The following SASH1 variants were observed in gnomAD, a reference collection of about 807,000 sequenced individuals.
SASH1 encodes the protein SAM and SH3 domain-containing protein 1.
In SASH1, 44 loss-of-function variants were observed where a neutral mutation model predicts 125.2. The ratio of observed to expected loss-of-function variants is 0.35; its 90% confidence interval spans 0.28 to 0.45. The LOEUF (loss-of-function observed/expected upper bound fraction) is 0.45. Ranked by LOEUF, SASH1 falls within the 20% of genes least tolerant of loss-of-function variation. The probability of loss-of-function intolerance (pLI) is 1.00; values close to 1 mark genes in which losing one functional copy is unlikely to be tolerated. For synonymous variants in SASH1, 639 were observed against 649.1 expected, an observed-to-expected ratio of 0.98 and a Z score of 0.24; for missense variants, 1,426 against 1,614.5, an observed-to-expected ratio of 0.88 and a Z score of 2.00.
intron 1 of SASH1, among the ~76,000 whole-genome samples, chr6:148,362,944 C>T (rs1397428154): frequency 6.6e-6 from 1 of 152,194 alleles, no homozygotes; most frequent in Admixed American, 6.5e-5. Flanking sequence ...CAACTGCTAC[C>T]TATCCCAACT....
chr6:148,399,028 A>C (rs1784062254), intron 2 of SASH1, among the ~76,000 whole-genome samples: 1 of 152,018 alleles, frequency 6.6e-6, no homozygotes, highest in South Asian at 2.1e-4. Context: ...GGTAATTAAG[A>C]AGGCTTTTCT....
intron 10 of SASH1, chr6:148,520,129 T>C: frequency 1.9e-6 from 1 of 523,640 alleles, no homozygotes; most frequent in Non-Finnish European, 3.4e-6. Context: ...AGCTGCGGCT[T>C]CCCCGGCAGG....
rs1410421013 is a variant in SASH1, at chr6:148,532,161, T to C, written c.1564+500T>C. Among the ~76,000 whole-genome samples the C allele has an allele frequency of 3.3e-5, 5 of 152,126 alleles. No homozygotes were observed. The highest frequency in any genetic ancestry group is 7.4e-5 in the Non-Finnish European group (5 of 68,022). ...GTTGTGATCTCAGCTCACTGCAACCTTCACCTCCCTGGCTCAAGGGATCCT... is the reference window on the plus strand; with the variant it reads ...GTTGTGATCTCAGCTCACTGCAACCCTCACCTCCCTGGCTCAAGGGATCCT... On this transcript the variant is annotated intron_variant, in intron 13 of 19. Coordinates refer to ENST00000367467, the MANE Select transcript of SASH1 (RefSeq NM_015278.5). The surrounding 1 kb of genome is among the most constrained non-coding windows in gnomAD (Gnocchi z 4.7).
chr6:148,408,780 G>A (rs1784480365), intron 2 of SASH1, among the ~76,000 whole-genome samples: 1 of 152,142 alleles, frequency 6.6e-6, no homozygotes, highest in South Asian at 2.1e-4. Flanking sequence ...ATGTTGTCTT[G>A]TAAGAGTTTT....
At chr6:148,239,554 G>T in the SASH1 span, among the ~76,000 whole-genome samples, 2 of 152,188 alleles carry the variant, frequency 1.3e-5, no homozygotes, top group Non-Finnish European at 2.9e-5. Flanking sequence ...CACCAGACAT[G>T]TTGAATTCTA....
chr6:148,404,369 T>C, intron 2 of SASH1, among the ~76,000 whole-genome samples: 1 of 152,130 alleles, frequency 6.6e-6, no homozygotes, highest in East Asian at 1.9e-4. Context: ...TGCTGTAAAG[T>C]TTGCTTATGT....
chr6:148,445,118 T>G (rs1283922649), intron 4 of SASH1, among the ~76,000 whole-genome samples: 2 of 152,230 alleles, frequency 1.3e-5, no homozygotes, highest in Non-Finnish European at 2.9e-5. Context: ...GAGGTCACTT[T>G]CATCGCCATC....
intron 1 of SASH1, among the ~76,000 whole-genome samples, chr6:148,361,768 A>C (rs1782217462): frequency 6.6e-6 from 1 of 152,066 alleles, no homozygotes; most frequent in Admixed American, 6.6e-5. Flanking sequence ...CTCAGGAAAC[A>C]TTTATCAGGT....
chr6:148,287,842 C>T (rs372076999), intron 1 of SASH1, among the ~76,000 whole-genome samples: 11 of 152,256 alleles, frequency 7.2e-5, no homozygotes, highest in Non-Finnish European at 1.2e-4. Flanking sequence ...AGACATCTCC[C>T]GTCTCCCAAG....
intron 1 of SASH1, among the ~76,000 whole-genome samples, chr6:148,363,416 T>G (rs1462573031): frequency 1.3e-5 from 2 of 152,072 alleles, no homozygotes; most frequent in Non-Finnish European, 2.9e-5. Flanking sequence ...CTTCTTTTTT[T>G]TTTGAGATGG....
intron 4 of SASH1, among the ~76,000 whole-genome samples, chr6:148,453,097 C>T (rs878993163): frequency 3.3e-5 from 5 of 152,172 alleles, no homozygotes; most frequent in African/African-American, 9.7e-5. Context: ...CTGGAAACTC[C>T]GTTGCCCTTC....
At chr6:148,393,707 C>T in intron 2 of SASH1, 1 of 985,252 alleles carries the variant, frequency 1.0e-6, no homozygotes, top group South Asian at 4.7e-5. Context: ...CCGCAGAAGA[C>T]AGTCTGGGGG....
rs140727648 is a variant in SASH1 at position 148,306,670 on chromosome 6, C to T, written n.74+34293C>T. On this transcript the variant is annotated intron_variant and non_coding_transcript_variant, in intron 1 of 3. Transcript: ENST00000367469. ...CTCCTATTCGCACAGTCTCCTCTCC[C>T]TAGAAACACACACAAGATTCTCCCG... 2.6e-5 allele frequency among the ~76,000 whole-genome samples: 4 copies of T among 152,276 alleles called. No individual in the cohort carries two copies. The East Asian group carries it at 7.7e-4, about 29-fold the overall frequency.
chr6:148,538,848 A>T (rs888480933), intron 16 of SASH1, among the ~76,000 whole-genome samples: 2 of 152,230 alleles, frequency 1.3e-5, no homozygotes, highest in Admixed American at 1.3e-4. Context: ...AAAGCCATTC[A>T]TCATTGCAAC....
Position 148,529,364 on chromosome 6 carries a change from A to T in SASH1, c.1428+1768A>T, listed in dbSNP as rs934189811. Among the ~76,000 whole-genome samples the T allele has an allele frequency of 6.6e-6, 1 of 152,164 alleles. No individual in the cohort carries two copies. The highest frequency in any genetic ancestry group is 1.5e-5 in the Non-Finnish European group (1 of 68,022). ...GGCTTGTTAGACCTGCAGGAGATAG[A>T]TGTCTGGACTGCCTTCAGCATGTCT... On this transcript the variant is annotated intron_variant, in intron 12 of 19. Transcript: ENST00000367467. The surrounding 1 kb of genome is among the most constrained non-coding windows in gnomAD (Gnocchi z 4.2).
chr6:148,401,786 G>T (rs1562382467), intron 2 of SASH1, among the ~76,000 whole-genome samples: 1 of 104,040 alleles, frequency 9.6e-6, no homozygotes, highest in African/African-American at 3.0e-5. Context: ...ATGTGTGTGT[G>T]GGGGGGTGTA....
the SASH1 span, among the ~76,000 whole-genome samples, chr6:148,258,294 C>T: frequency 6.6e-6 from 1 of 152,114 alleles, no homozygotes; most frequent in Non-Finnish European, 1.5e-5. Context: ...ACTAAAGAAT[C>T]CTAAATCATT....
intron 2 of SASH1, among the ~76,000 whole-genome samples, chr6:148,435,942 T>G (rs913240140): frequency 3.3e-5 from 5 of 152,238 alleles, no homozygotes; most frequent in African/African-American, 1.2e-4. Flanking sequence ...TGCCAAGATA[T>G]ACTTGAGTAA....
chr6:148,367,603 A>G (rs1286924280), intron 1 of SASH1, among the ~76,000 whole-genome samples: 1 of 152,226 alleles, frequency 6.6e-6, no homozygotes, highest in Non-Finnish European at 1.5e-5. Context: ...GATGACACGC[A>G]GCCCTCCTGC....
Sources: allele counts gnomAD v4.1 joint callset (sites outside exome capture counted in the v4.1 genomes callset), GRCh38; gene constraint gnomAD v4.1.1; non-coding constraint Gnocchi (gnomAD v3.1); transcripts MANE v1.5; gene names NCBI Gene and HGNC (gene_info 2026-07-23, HGNC 2026-07-21).